The following TRAPPC9 variants were observed in gnomAD, a reference collection of about 807,000 sequenced individuals.
TRAPPC9 encodes IKK2 binding protein.
TRAPPC9 carries 83 observed loss-of-function variants against 124.0 expected under a neutral mutation model. The observed-to-expected ratio is 0.67, with a 90% CI of 0.56 to 0.80. The LOEUF is 0.80. Among genes scored for constraint, TRAPPC9 ranks in the 30% least tolerant of loss-of-function variants. The pLI is 0.00. For missense variants in TRAPPC9, 1,302 were observed against 1,508.3 expected, an observed-to-expected ratio of 0.86 and a Z score of 2.27; for synonymous variants, 638 against 617.5, an observed-to-expected ratio of 1.03 and a Z score of -0.49.
intron 15 of TRAPPC9, among the ~76,000 whole-genome samples, chr8:140,263,260 A>T (rs61630703): frequency 0.23 from 35,039 of 152,084 alleles, 4,305 homozygotes; most frequent in African/African-American, 0.3. Flanking sequence ...GCCCACTGCT[A>T]TCACGGGACA....
chr8:139,801,738 C>T (rs1054904397), intron 21 of TRAPPC9, among the ~76,000 whole-genome samples: 19 of 152,214 alleles, frequency 1.2e-4, no homozygotes, highest in Non-Finnish European at 7.3e-5. Flanking sequence ...AACTCCTCTG[C>T]GTCAGTTATG....
At chr8:139,842,163 T>C (rs998774007) in intron 21 of TRAPPC9, among the ~76,000 whole-genome samples, 3 of 152,224 alleles carry the variant, frequency 2.0e-5, no homozygotes, top group African/African-American at 4.8e-5. Context: ...AACACTGTCC[T>C]GGCATCAACC....
In TRAPPC9 at chr8:140,194,895, ATAGT is replaced by A. The variant is rs1392047053; in HGVS notation, c.2556+26560_2556+26563del. On this transcript the variant is annotated intron_variant, in intron 17 of 22. Coordinates refer to ENST00000438773, the MANE Select transcript of TRAPPC9 (RefSeq NM_001160372.4). ...CAGATCGCACCTGTGACACTAAAAC[ATAGT>A]CAATGATCCACTATACAGCTCACAC... Among the ~76,000 whole-genome samples, 7 of 152,080 alleles carry A rather than the reference ATAGT, an allele frequency of 4.6e-5. No homozygotes were observed. The East Asian group carries it at 9.7e-4, about 21-fold the overall frequency.
chr8:140,272,405 A>G (rs2064971756), intron 15 of TRAPPC9, among the ~76,000 whole-genome samples: 2 of 134,314 alleles, frequency 1.5e-5, no homozygotes, highest in South Asian at 5.1e-4. Context: ...GGCGATGGTG[A>G]TAATGGTGAT....
At chr8:140,418,614 G>C (rs1487227942) in intron 5 of TRAPPC9, among the ~76,000 whole-genome samples, 1 of 152,094 alleles carries the variant, frequency 6.6e-6, no homozygotes, top group Non-Finnish European at 1.5e-5. Flanking sequence ...CCAGCTACTC[G>C]GGAGGCTGAG....
chr8:140,086,637 C>T (rs1472453558), intron 17 of TRAPPC9, among the ~76,000 whole-genome samples: 3 of 152,162 alleles, frequency 2.0e-5, no homozygotes, highest in African/African-American at 7.2e-5. Flanking sequence ...ACATCCCTCT[C>T]TCGGCCAGGC....
At chr8:140,392,063 C>A (rs1483136786) in intron 7 of TRAPPC9, among the ~76,000 whole-genome samples, 1 of 151,892 alleles carries the variant, frequency 6.6e-6, no homozygotes, top group African/African-American at 2.4e-5. Context: ...GAATTTCAAT[C>A]ATTTGGGTAG....
intron 17 of TRAPPC9, among the ~76,000 whole-genome samples, chr8:140,112,944 A>C (rs1416733771): frequency 6.7e-6 from 1 of 148,620 alleles, no homozygotes; most frequent in African/African-American, 2.5e-5. Context: ...GGTTCAAGGG[A>C]TTCTCCTACC....
At chr8:139,734,335 C>T (rs761928046) in intron 21 of TRAPPC9, among the ~76,000 whole-genome samples, 3 of 152,194 alleles carry the variant, frequency 2.0e-5, no homozygotes, top group Non-Finnish European at 4.4e-5. Context: ...GAAGTCAGTG[C>T]GTGGCTTATG....
intron 9 of TRAPPC9, among the ~76,000 whole-genome samples, chr8:140,340,110 G>A (rs2067151608): frequency 6.6e-6 from 1 of 152,174 alleles, no homozygotes; most frequent in Non-Finnish European, 1.5e-5. Flanking sequence ...GCCTCCCAAA[G>A]TACTGGGATT....
intron 16 of TRAPPC9, among the ~76,000 whole-genome samples, chr8:140,249,656 G>T (rs576975240): frequency 4.6e-4 from 67 of 146,450 alleles, no homozygotes; most frequent in Non-Finnish European, 8.2e-4. Context: ...CAGGCTGGAG[G>T]GCAGTGGCGC....
At chr8:140,248,490 C>T (rs758692483) in intron 16 of TRAPPC9, among the ~76,000 whole-genome samples, 6 of 152,188 alleles carry the variant, frequency 3.9e-5, no homozygotes, top group African/African-American at 7.2e-5. Flanking sequence ...ACGGTGAAAC[C>T]GTGTTGTTAT....
chr8:140,426,770 A>T, intron 4 of TRAPPC9, 129 bp from the exon 5 acceptor site: 3 of 855,540 alleles, frequency 3.5e-6, no homozygotes, highest in Non-Finnish European at 5.8e-6. Flanking sequence ...TCAGAAAAGC[A>T]ATTCTGAGGA....
At chr8:140,123,756 C>T (rs2061030718) in intron 17 of TRAPPC9, among the ~76,000 whole-genome samples, 1 of 152,334 alleles carries the variant, frequency 6.6e-6, no homozygotes, top group Non-Finnish European at 1.5e-5. Flanking sequence ...CTGTTTGTTA[C>T]TGATAGTATA....
At chr8:139,752,621 T>C (rs1480381546) in intron 21 of TRAPPC9, among the ~76,000 whole-genome samples, 1 of 149,824 alleles carries the variant, frequency 6.7e-6, no homozygotes, top group Admixed American at 6.6e-5. Flanking sequence ...CTACTGTCCA[T>C]CTACCATCCA....
At chr8:140,355,943 T>C (rs2067728918) in intron 9 of TRAPPC9, among the ~76,000 whole-genome samples, 1 of 152,136 alleles carries the variant, frequency 6.6e-6, no homozygotes, top group African/African-American at 2.4e-5. Flanking sequence ...GGTACAACTA[T>C]CACAATAGGC....
intron 9 of TRAPPC9, among the ~76,000 whole-genome samples, chr8:140,317,420 T>C (rs2066469853): frequency 4.6e-5 from 7 of 152,360 alleles, no homozygotes; most frequent in Admixed American, 4.6e-4. Flanking sequence ...GATCCCTTTG[T>C]TTCTGGTTCA....
chr8:139,762,451 C>T (rs1236168191), intron 21 of TRAPPC9, among the ~76,000 whole-genome samples: 1 of 152,062 alleles, frequency 6.6e-6, no homozygotes, highest in Non-Finnish European at 1.5e-5. Flanking sequence ...GGAGGTCAAG[C>T]CTCTACACAC....
At chr8:140,157,525 C>T (rs2061675577) in intron 17 of TRAPPC9, among the ~76,000 whole-genome samples, 2 of 152,206 alleles carry the variant, frequency 1.3e-5, no homozygotes, top group Admixed American at 1.3e-4. Flanking sequence ...CAATGAGATT[C>T]CATGTAACAC....
Sources: allele counts gnomAD v4.1 joint callset (sites outside exome capture counted in the v4.1 genomes callset), GRCh38; gene constraint gnomAD v4.1.1; transcripts MANE v1.5; gene names NCBI Gene and HGNC (gene_info 2026-07-23, HGNC 2026-07-21).